The following TFRC variants were observed in gnomAD, a reference collection of about 807,000 sequenced individuals.
TFRC encodes the protein transferrin receptor protein 1.
In TFRC, 35 loss-of-function variants were observed where a neutral mutation model predicts 85.8. That is an observed-to-expected ratio of 0.41 (90% CI 0.31 to 0.54). The LOEUF (loss-of-function observed/expected upper bound fraction) is 0.54, where lower values mean the gene tolerates loss of function less well. Among genes scored for constraint, TFRC ranks in the 20% least tolerant of loss-of-function variants. TFRC has a pLI of 0.31. For synonymous variants in TFRC, 362 were observed against 328.6 expected (o/e 1.10, Z -1.10); for missense variants, 828 against 921.5 (o/e 0.90, Z 1.31).
intron 1 of TFRC, among the ~76,000 whole-genome samples, chr3:196,077,887 T>A (rs1045643939): frequency 1.3e-5 from 2 of 152,164 alleles, no homozygotes; most frequent in Admixed American, 6.5e-5. Flanking sequence ...AATGAATAGT[T>A]CCTACAAGTG....
At chr3:196,081,528 T>C (rs1390131976) in intron 1 of TFRC, among the ~76,000 whole-genome samples, 1 of 152,206 alleles carries the variant, frequency 6.6e-6, no homozygotes, top group Non-Finnish European at 1.5e-5. Flanking sequence ...AGCCGTTCCC[T>C]GGGGCGACTT....
chr3:196,072,559 T>C (rs986633416), intron 4 of TFRC, among the ~76,000 whole-genome samples: 1 of 152,186 alleles, frequency 6.6e-6, no homozygotes, highest in Admixed American at 6.5e-5. Context: ...CTTGGTCCGA[T>C]CTCCCATACT....
intron 18 of TFRC, 38 bp from the exon 19 acceptor site, chr3:196,052,222 G>C: frequency 6.3e-7 from 1 of 1,584,106 alleles, no homozygotes; most frequent in Non-Finnish European, 8.6e-7. Context: ...ACACAGCCCT[G>C]TGACTTTTGT....
At position 196,051,134 on chromosome 3, in the gene TFRC, ATAT is replaced by A; in HGVS notation, c.*805_*807del. Reference sequence around the variant, plus strand: ...AACACTTTGGCCAAAATTTGGCAGCATATTATTCTTTAAAGTCTGACAAACTGA... The same window carrying A: ...AACACTTTGGCCAAAATTTGGCAGCATATTCTTTAAAGTCTGACAAACTGA... On this transcript the variant is annotated 3_prime_UTR_variant, in exon 19 of 19. Coordinates refer to ENST00000360110, the MANE Select transcript of TFRC (RefSeq NM_001128148.3). The A allele has an allele frequency of 4.6e-6, 1 of 216,068 alleles. No individual in the cohort carries two copies. The highest frequency in any genetic ancestry group is 9.4e-6 in the Non-Finnish European group (1 of 106,944). 13.4% of individuals were successfully genotyped at this position (216,068 alleles called of 1,614,324 possible).
rs34830025 is a variant in TFRC, at chr3:196,064,746, C to T, written c.1199-318G>A. On this transcript the variant is annotated intron_variant, in intron 10 of 18. Coordinates refer to ENST00000360110, the MANE Select transcript of TFRC (RefSeq NM_001128148.3). ...CTCCAGGGACTGGCAAACTACAGCC[C>T]GCATGCCCATTCACTACGCACAGTC... Among the ~76,000 whole-genome samples the T allele has an allele frequency of 0.035, 5,373 of 152,276 alleles. 126 individuals are homozygous for T. Among genetic ancestry groups the T allele is most frequent in the South Asian group, 0.099 (478 of 4,824 alleles).
Position 196,055,318 on chromosome 3 carries a change from G to A in TFRC, c.1678-17C>T, listed in dbSNP as rs759072853. On this transcript the variant is annotated splice_polypyrimidine_tract_variant and intron_variant, in intron 16 of 18. Coordinates refer to ENST00000360110, the MANE Select transcript of TFRC (RefSeq NM_001128148.3). ...ATCTGTGTCCTGCAAGACAACGCGA[G>A]GCTATGGTACTCACGTGAGTTCTAA... 30 of 1,604,068 alleles carry A rather than the reference G, an allele frequency of 1.9e-5. No individual in the cohort carries two copies. The highest frequency in any genetic ancestry group is 2.6e-5 in the Non-Finnish European group (30 of 1,170,912).
In TFRC at chr3:196,049,725, G is replaced by GT. The variant is rs1436510175; in HGVS notation, c.*2216dup. ...CATGCTTTCATTTAAGTACGTGTGC[G>GT]TAACACCCGAACCAGGAATCTCAGC... On this transcript the variant is annotated 3_prime_UTR_variant, in exon 19 of 19. Transcript: ENST00000360110. The GT allele has an allele frequency of 1.7e-5, 4 of 229,760 alleles. No individual in the cohort carries two copies. Among genetic ancestry groups the GT allele is most frequent in the Admixed American group, 5.7e-5 (1 of 17,640 alleles). The allele number at this position is 229,760 out of a possible 1,614,324, so 14.2% of individuals were successfully genotyped here.
chr3:196,076,451 CTT>C (rs55649226), intron 2 of TFRC, among the ~76,000 whole-genome samples: 99 of 132,530 alleles, frequency 7.5e-4, no homozygotes, highest in South Asian at 1.7e-3. Context: ...TCAGCCTTTG[CTT>C]TTTTTTTTTT....
intron 14 of TFRC, 40 bp from the exon 15 acceptor site, chr3:196,058,672 A>C: frequency 6.7e-7 from 1 of 1,492,552 alleles, no homozygotes; most frequent in Non-Finnish European, 9.2e-7. Context: ...AACCTTTTGG[A>C]ACTTATTTAT....
intron 6 of TFRC, among the ~76,000 whole-genome samples, chr3:196,070,774 AAATAATAATAATAAT>A (rs58386151): frequency 7.4e-6 from 1 of 135,812 alleles, no homozygotes; most frequent in African/African-American, 2.7e-5. Context: ...TGTCTCTACC[AAATAATAATAATAAT>A]AATAATAATA....
rs368936863 is a variant in TFRC at position 196,071,989 on chromosome 3, A to T, written c.584+14T>A. 3 of 1,603,956 alleles carry T rather than the reference A, an allele frequency of 1.9e-6. No homozygotes were observed. The highest frequency in any genetic ancestry group is 2.6e-6 in the Non-Finnish European group (3 of 1,175,558). On this transcript the variant is annotated intron_variant, in intron 5 of 18. Transcript: ENST00000360110. ...CTACTTGTATAAAAATAAGTTTACCATCTTTCAACATACCTGTCTTTGACC... is the reference window on the plus strand; with the variant it reads ...CTACTTGTATAAAAATAAGTTTACCTTCTTTCAACATACCTGTCTTTGACC...
Position 196,067,503 on chromosome 3 carries a change from C to G in TFRC, c.1040+15G>C. Reference sequence around the variant, plus strand: ...AAACCTCACTATGCAAGACCGCTTTCAAATAAAAACTTACCCAAACAGCTT... The same window carrying G: ...AAACCTCACTATGCAAGACCGCTTTGAAATAAAAACTTACCCAAACAGCTT... On this transcript the variant is annotated intron_variant, in intron 9 of 18. Coordinates refer to ENST00000360110, the MANE Select transcript of TFRC (RefSeq NM_001128148.3). 6.2e-7 allele frequency: 1 copy of G among 1,611,960 alleles called. No individual in the cohort carries two copies. Among genetic ancestry groups the G allele is most frequent in the Non-Finnish European group, 8.5e-7 (1 of 1,178,908 alleles).
At chr3:196,081,398 G>A (rs1356110251) in intron 1 of TFRC, among the ~76,000 whole-genome samples, 1 of 152,236 alleles carries the variant, frequency 6.6e-6, no homozygotes, top group African/African-American at 2.4e-5. Context: ...TCTAATTAAT[G>A]CCTGTAACAC....
In TFRC at chr3:196,069,496, T is replaced by C. The variant is rs41303529; in HGVS notation, c.760A>G (p.Ile254Val). 29 of 1,613,616 alleles carry C rather than the reference T, an allele frequency of 1.8e-5. No individual in the cohort carries two copies. The South Asian group carries it at 2.1e-4, about 12-fold the overall frequency. The change falls in exon 7 of 19, where the codon ATA (isoleucine) becomes GTA (valine). Residue 254 changes from isoleucine to valine, a missense_variant. Transcript: ENST00000360110. ...EDLYTPVNGS[I>V]VIVRAGKITF... is the part of the protein sequence containing the mutation. Reference sequence around the variant, plus strand: ...ATTTTCCCTGCTCTGACAATCACTATAGATCCATTCACAGGAGTGTATAAA... The same window carrying C: ...ATTTTCCCTGCTCTGACAATCACTACAGATCCATTCACAGGAGTGTATAAA...
At position 196,057,524 on chromosome 3, in the gene TFRC, G is replaced by A. The variant is rs41297527; in HGVS notation, c.1677+760C>T. Reference sequence around the variant, plus strand: ...TCGGTGTCTGAGGGGATTTGTCTGCGGCTTGTCCTGCTACAGGATTACAGG... The same window carrying A: ...TCGGTGTCTGAGGGGATTTGTCTGCAGCTTGTCCTGCTACAGGATTACAGG... On this transcript the variant is annotated intron_variant, in intron 16 of 18. Coordinates refer to ENST00000360110, the MANE Select transcript of TFRC (RefSeq NM_001128148.3). 3.3e-3 allele frequency among the ~76,000 whole-genome samples: 496 copies of A among 152,148 alleles called. 4 individuals are homozygous for A. Among genetic ancestry groups the A allele is most frequent in the Non-Finnish European group, 5.5e-3 (371 of 68,000 alleles).
chr3:196,057,307 T>A (rs943321188), intron 16 of TFRC, among the ~76,000 whole-genome samples: 1 of 152,158 alleles, frequency 6.6e-6, no homozygotes, highest in African/African-American at 2.4e-5. Context: ...TTCTGTTCTG[T>A]TCTAATTACC....
intron 1 of TFRC, among the ~76,000 whole-genome samples, chr3:196,078,792 G>A (rs1423421131): frequency 1.4e-5 from 2 of 145,526 alleles, no homozygotes; most frequent in African/African-American, 5.1e-5. Context: ...TTTTTTTCTT[G>A]AGACAGAGTT....
At chr3:196,078,619 T>C (rs1718905201) in intron 1 of TFRC, among the ~76,000 whole-genome samples, 1 of 151,542 alleles carries the variant, frequency 6.6e-6, no homozygotes, top group African/African-American at 2.4e-5. Context: ...ATGGCACCAC[T>C]GCACTCCAGC....
At chr3:196,079,048 G>C (rs921116202) in intron 1 of TFRC, among the ~76,000 whole-genome samples, 1 of 152,038 alleles carries the variant, frequency 6.6e-6, no homozygotes, top group Non-Finnish European at 1.5e-5. Context: ...GCTAAGATTA[G>C]TTACTTGATA....
Sources: allele counts gnomAD v4.1 joint callset (sites outside exome capture counted in the v4.1 genomes callset), GRCh38; gene constraint gnomAD v4.1.1; transcripts MANE v1.5; gene names NCBI Gene and HGNC (gene_info 2026-07-23, HGNC 2026-07-21).